Variants in WHAMM observed in about 807,000 individuals in gnomAD.
WHAMM encodes the protein WASP homolog associated with actin, golgi membranes and microtubules.
WHAMM carries 67 observed loss-of-function variants against 76.5 expected under a neutral mutation model. The ratio of observed to expected loss-of-function variants is 0.88; its 90% CI spans 0.72 to 1.07. The LOEUF (loss-of-function observed/expected upper bound fraction) is 1.07, where lower values mean the gene tolerates loss of function less well. Among genes scored for constraint, WHAMM ranks in the 50% least tolerant of loss-of-function variants. The pLI, the probability that WHAMM is intolerant of heterozygous loss-of-function variation, is 0.00. For missense variants in WHAMM, 1,021 were observed against 1,051.1 expected (o/e 0.97, Z 0.40); for synonymous variants, 419 against 422.1 (o/e 0.99, Z 0.09).
intron 2 of WHAMM, among the ~76,000 whole-genome samples, chr15:82,815,103 C>T (rs1157506374): frequency 2.8e-5 from 3 of 106,798 alleles, no homozygotes; most frequent in South Asian, 6.4e-4. Flanking sequence ...AGATATCACT[C>T]ACAGATTTTA....
chr15:82,810,252 G>A lies in WHAMM; in HGVS notation c.526G>A (p.Ala176Thr). ...CGCACTCTTCCCGGCTGAGGGCGGC[G>A]CGGCCGACTGCGAAAGCCCGCGCGA... ...RDALFPAEGGAADCESPREFR... is the reference protein window; with the variant it reads ...RDALFPAEGGTADCESPREFR... The change falls in exon 1 of 10, where the codon GCG (alanine) becomes ACG (threonine). Residue 176 changes from alanine (A) to threonine (T), a missense_variant. By Grantham distance (58) the Ala-to-Thr change is moderately conservative (BLOSUM62 0). Around this residue, in one of 3 missense-constraint regions of WHAMM, gnomAD observed 501 missense variants for 524.9 expected, o/e 0.95. Coordinates refer to ENST00000286760, the MANE Select transcript of WHAMM (RefSeq NM_001080435.3). 2 of 1,389,540 alleles carry A rather than the reference G, an allele frequency of 1.4e-6. No individual in the cohort carries two copies. Among genetic ancestry groups the A allele is most frequent in the South Asian group, 1.5e-5 (1 of 65,096 alleles). The allele number at this position is 1,389,540 out of a possible 1,614,324, so 86.1% of individuals were successfully genotyped here.
intron 6 of WHAMM, among the ~76,000 whole-genome samples, chr15:82,824,162 CTT>C (rs71156055): frequency 6.8e-5 from 8 of 118,044 alleles, no homozygotes; most frequent in Non-Finnish European, 8.7e-5. Context: ...TACTTTTCTC[CTT>C]TTTTTTTTTT....
rs1170189381 is a variant in WHAMM at position 82,818,009 on chromosome 15, A to G, written c.1024A>G (p.Met342Val). The change falls in exon 4 of 10, where the codon ATG becomes GTG. Residue 342 changes from methionine to valine, a missense_variant. Coordinates refer to ENST00000286760, the MANE Select transcript of WHAMM (RefSeq NM_001080435.3). ...AIPRLEKLQLMLARETLQLMR... is the reference protein window; with the variant it reads ...AIPRLEKLQLVLARETLQLMR... The stretch of plus-strand genomic sequence containing the variant: ...TCCCAGGTTGGAAAAACTTCAGCTA[A>G]TGCTAGCTCGAGAGACTCTGCAACT... 3 of 1,549,436 alleles carry G rather than the reference A, an allele frequency of 1.9e-6. No homozygotes were observed. Among genetic ancestry groups the G allele is most frequent in the Admixed American group, 3.9e-5 (2 of 51,046 alleles).
At chr15:82,820,664 T>G (rs566146114) in intron 5 of WHAMM, among the ~76,000 whole-genome samples, 1 of 151,900 alleles carries the variant, frequency 6.6e-6, no homozygotes, top group East Asian at 1.9e-4. Flanking sequence ...GGAGGCTGAG[T>G]GGGGCAGATC....
At chr15:82,820,360 C>T (rs750718506) in intron 5 of WHAMM, among the ~76,000 whole-genome samples, 4 of 152,028 alleles carry the variant, frequency 2.6e-5, no homozygotes, top group Non-Finnish European at 4.4e-5. Flanking sequence ...TTCCAAATTT[C>T]AGGTGTTTTG....
rs760898735 is a variant in WHAMM, at chr15:82,830,748, C to T, written c.1791C>T (p.Pro597=). Reference sequence around the variant, plus strand: ...CCTCTAGGAAAACTAGAGGTGTTCCCCTATCGGAAGCTGGTAATGTGAAAA... The same window carrying T: ...CCTCTAGGAAAACTAGAGGTGTTCCTCTATCGGAAGCTGGTAATGTGAAAA... ...HPSSRKTRGV[P]LSEAGNVKSP... Residue 597 remains proline (P), a synonymous_variant, in exon 9 of 10, where the codon CCC becomes CCT. Transcript: ENST00000286760. 6 of 1,613,974 alleles carry T rather than the reference C, an allele frequency of 3.7e-6. No individual in the cohort carries two copies. The highest frequency in any genetic ancestry group is 5.1e-6 in the Non-Finnish European group (6 of 1,179,876).
intron 1 of WHAMM, 88 bp from the exon 2 acceptor site, chr15:82,813,015 A>C: frequency 9.8e-7 from 1 of 1,024,452 alleles, no homozygotes; most frequent in Non-Finnish European, 1.3e-6. Context: ...AGTTGAGAAC[A>C]TGAAGGTTTC....
chr15:82,809,980 C>A lies in WHAMM; in HGVS notation c.254C>A (p.Ala85Glu). The change falls in exon 1 of 10, where the codon GCG (alanine) becomes GAG (glutamate). Residue 85 changes from alanine (A) to glutamate (E), a missense_variant. By Grantham distance (107) the Ala-to-Glu change is moderately radical (BLOSUM62 -1). Around this residue, in one of 3 missense-constraint regions of WHAMM, gnomAD observed 501 missense variants for 524.9 expected, o/e 0.95. Coordinates refer to ENST00000286760, the MANE Select transcript of WHAMM (RefSeq NM_001080435.3). ...PSSWAGLLSA[A>E]GLRGAHRQLA... ...AGCTGGGCCGGCCTGCTCTCGGCCG[C>A]GGGGCTCCGCGGCGCGCACCGGCAG... 7.8e-7 allele frequency: 1 copy of A among 1,286,448 alleles called. No individual in the cohort carries two copies. The highest frequency in any genetic ancestry group is 9.8e-7 in the Non-Finnish European group (1 of 1,018,116). The allele number at this position is 1,286,448 out of a possible 1,614,324, so 79.7% of individuals were successfully genotyped here.
rs2151573452 is a variant in WHAMM, at chr15:82,830,688, G to A, written c.1731G>A (p.Leu577=). 6.2e-7 allele frequency: 1 copy of A among 1,613,980 alleles called. No individual in the cohort carries two copies. The highest frequency in any genetic ancestry group is 2.2e-5 in the East Asian group (1 of 44,880). ...LPSDLSQQMC[L]PASHAVSVIH... The stretch of plus-strand genomic sequence containing the variant: ...GTGATCTTTCCCAGCAGATGTGCTT[G>A]CCAGCTTCCCACGCGGTGTCAGTAA... Residue 577 remains leucine (L), a synonymous_variant, in exon 9 of 10, where the codon TTG becomes TTA. Transcript: ENST00000286760.
chr15:82,822,965 A>AT (rs746626730), intron 5 of WHAMM, 135 bp from the exon 6 acceptor site: 2 of 689,676 alleles, frequency 2.9e-6, no homozygotes, highest in Non-Finnish European at 4.3e-6. Context: ...ATATACACAT[A>AT]TTTTTCATAT....
chr15:82,818,238 T>C lies in WHAMM; in HGVS notation c.1104+149T>C, dbSNP rs1430840254. Reference sequence around the variant, plus strand: ...GGGCTTTTAGTGTAATCATCACCTGTATAATGTAATTGTACCTATTAAATA... The same window carrying C: ...GGGCTTTTAGTGTAATCATCACCTGCATAATGTAATTGTACCTATTAAATA... On this transcript the variant is annotated intron_variant, in intron 4 of 9. Coordinates refer to ENST00000286760, the MANE Select transcript of WHAMM (RefSeq NM_001080435.3). 7 of 790,216 alleles carry C rather than the reference T, an allele frequency of 8.9e-6. No homozygotes were observed. The East Asian group carries it at 1.4e-4, about 16-fold the overall frequency. The allele number at this position is 790,216 out of a possible 1,614,324, so 49.0% of individuals were successfully genotyped here.
chr15:82,826,769 G>C lies in WHAMM; in HGVS notation c.1564G>C (p.Glu522Gln). ...AATATAGAAAAGAGACAAGATAAAA[G>C]AAGAGGAGCAAAAGAAAAAAGAATG... Reference protein sequence around the residue: ...SIQMKRDKIKEEEQKKKEWIN... With the variant: ...SIQMKRDKIKQEEQKKKEWIN... Residue 522 changes from glutamate to glutamine, a missense_variant, in exon 8 of 10, where the codon GAA becomes CAA. Coordinates refer to ENST00000286760, the MANE Select transcript of WHAMM (RefSeq NM_001080435.3). The C allele has an allele frequency of 6.5e-7, 1 of 1,547,268 alleles. No homozygotes were observed. The highest frequency in any genetic ancestry group is 1.2e-5 in the South Asian group (1 of 83,270).
At chr15:82,826,664 CT>C (rs1286396447) in intron 7 of WHAMM, 86 bp from the exon 8 acceptor site, 9 of 1,532,364 alleles carry the variant, frequency 5.9e-6, no homozygotes, top group Non-Finnish European at 7.9e-6. Flanking sequence ...GGTACAGCCT[CT>C]TTCTTTGCTG....
At chr15:82,826,952 G>A in intron 8 of WHAMM, 106 bp downstream of exon 8, 2 of 1,195,708 alleles carry the variant, frequency 1.7e-6, no homozygotes, top group East Asian at 2.7e-5. Context: ...CATTCAGAAC[G>A]TGAAACATTT....
Position 82,826,859 on chromosome 15 carries a change from A to ATGCT in WHAMM, c.1641+13_1641+14insTGCT. On this transcript the variant is annotated intron_variant, in intron 8 of 9. Transcript: ENST00000286760. The stretch of plus-strand genomic sequence containing the variant: ...ATCATTTAAAGATGTAAGTTCTATA[A>ATGCT]ACAATCACCTCATCTACACTTCTGG... The ATGCT allele has an allele frequency of 6.8e-7, 1 of 1,479,022 alleles. No individual in the cohort carries two copies. The highest frequency in any genetic ancestry group is 9.0e-7 in the Non-Finnish European group (1 of 1,110,948). The allele number at this position is 1,479,022 out of a possible 1,614,324, so 91.6% of individuals were successfully genotyped here.
chr15:82,824,691 C>T (rs1026193646), intron 6 of WHAMM, among the ~76,000 whole-genome samples: 1 of 152,106 alleles, frequency 6.6e-6, no homozygotes, highest in African/African-American at 2.4e-5. Flanking sequence ...GTCTTGAATT[C>T]CTGACCTCAA....
At chr15:82,810,538 G>C in intron 1 of WHAMM, 1 of 985,472 alleles carries the variant, frequency 1.0e-6, no homozygotes, top group Non-Finnish European at 1.2e-6. Flanking sequence ...TCTGCAGAGA[G>C]GACAAGCGAA....
intron 8 of WHAMM, among the ~76,000 whole-genome samples, chr15:82,828,519 AAG>A (rs989674811): frequency 1.3e-5 from 2 of 152,214 alleles, no homozygotes; most frequent in Admixed American, 1.3e-4. Context: ...CACCATCACC[AAG>A]AGAGTTTCGA....
At chr15:82,822,824 G>GTGTA (rs746344235) in intron 5 of WHAMM, among the ~76,000 whole-genome samples, 2 of 141,784 alleles carry the variant, frequency 1.4e-5, no homozygotes, top group African/African-American at 5.2e-5. Flanking sequence ...GTGTGTGTGT[G>GTGTA]TATATATATA....
Sources: allele counts gnomAD v4.1 joint callset (sites outside exome capture counted in the v4.1 genomes callset), GRCh38; gene constraint gnomAD v4.1.1; regional missense constraint gnomAD v4.1.1; transcripts MANE v1.5; gene names NCBI Gene and HGNC (gene_info 2026-07-23, HGNC 2026-07-21).